PTPRT: variants seen among roughly 807,000 people sequenced by gnomAD.
The protein encoded by PTPRT is receptor-type tyrosine-protein phosphatase T.
PTPRT carries 56 observed loss-of-function variants against 176.8 expected under a neutral mutation model. The ratio of observed to expected loss-of-function variants is 0.32; its 90% CI spans 0.26 to 0.40. PTPRT has a LOEUF of 0.40. Among genes scored for constraint, PTPRT ranks in the 10% least tolerant of loss-of-function variants. The pLI, the probability that PTPRT is intolerant of heterozygous loss-of-function variation, is 1.00. For synonymous variants in PTPRT, 783 were observed against 739.0 expected, an observed-to-expected ratio of 1.06 and a Z score of -0.96; for missense variants, 1,540 against 1,908.2, an observed-to-expected ratio of 0.81 and a Z score of 3.60.
chr20:42,576,605 T>C (rs536014583), intron 7 of PTPRT, among the ~76,000 whole-genome samples: 1 of 152,288 alleles, frequency 6.6e-6, no homozygotes, highest in Non-Finnish European at 1.5e-5. Context: ...CAGAGTTCTC[T>C]GGAACTTGCA....
chr20:42,399,315 A>G (rs137995078), intron 9 of PTPRT, among the ~76,000 whole-genome samples: 1 of 152,350 alleles, frequency 6.6e-6, no homozygotes, highest in Non-Finnish European at 1.5e-5. Context: ...TCTATCACAA[A>G]GGTCATCCTT....
intron 2 of PTPRT, among the ~76,000 whole-genome samples, chr20:42,807,789 T>G (rs1444047930): frequency 1.3e-5 from 2 of 152,216 alleles, no homozygotes; most frequent in African/African-American, 4.8e-5. Flanking sequence ...CTTTTACTAA[T>G]TATGTGCCCG....
At chr20:42,108,833 G>A (rs1986753147) in intron 23 of PTPRT, among the ~76,000 whole-genome samples, 1 of 152,224 alleles carries the variant, frequency 6.6e-6, no homozygotes, top group Admixed American at 6.5e-5. Context: ...GGCCCCAGGA[G>A]TGGGTACCAC....
At chr20:42,701,389 G>C (rs908297385) in intron 6 of PTPRT, among the ~76,000 whole-genome samples, 1 of 152,192 alleles carries the variant, frequency 6.6e-6, no homozygotes, top group Non-Finnish European at 1.5e-5. Context: ...GCTACCGTGG[G>C]ATGCTTAAAT....
chr20:42,380,704 C>T (rs1329619410), intron 9 of PTPRT, among the ~76,000 whole-genome samples: 1 of 152,176 alleles, frequency 6.6e-6, no homozygotes, highest in South Asian at 2.1e-4. Flanking sequence ...TTTTTGTTCT[C>T]CCATTGGACT....
intron 7 of PTPRT, among the ~76,000 whole-genome samples, chr20:42,535,300 C>G (rs900864853): frequency 5.3e-5 from 8 of 152,080 alleles, no homozygotes; most frequent in African/African-American, 1.7e-4. Context: ...AAGAAAGGAA[C>G]AGCAGACACT....
chr20:42,973,837 G>C (rs1324317210), intron 1 of PTPRT, among the ~76,000 whole-genome samples: 1 of 152,100 alleles, frequency 6.6e-6, no homozygotes, highest in African/African-American at 2.4e-5. Flanking sequence ...TTTTGTTTGG[G>C]GTTATTTTAC....
intron 2 of PTPRT, among the ~76,000 whole-genome samples, chr20:42,876,015 T>C (rs2078923688): frequency 6.6e-6 from 1 of 152,196 alleles, no homozygotes; most frequent in South Asian, 2.1e-4. Context: ...TATTACCACA[T>C]ACAGATACTC....
At chr20:42,620,795 C>T (rs1052315855) in intron 7 of PTPRT, among the ~76,000 whole-genome samples, 5 of 152,176 alleles carry the variant, frequency 3.3e-5, no homozygotes, top group South Asian at 4.1e-4. Flanking sequence ...CGCCCTGCTT[C>T]GGCTTGCGCA....
intron 9 of PTPRT, among the ~76,000 whole-genome samples, chr20:42,420,351 G>A (rs1354094248): frequency 6.6e-6 from 1 of 152,082 alleles, no homozygotes; most frequent in Non-Finnish European, 1.5e-5. Context: ...TCAGATAAAT[G>A]TCTGAGCTCC....
intron 2 of PTPRT, among the ~76,000 whole-genome samples, chr20:42,829,422 G>A (rs2078051476): frequency 6.6e-6 from 1 of 152,116 alleles, no homozygotes; most frequent in South Asian, 2.1e-4. Flanking sequence ...TAAGACTTTG[G>A]GGGACTGTTA....
intron 16 of PTPRT, among the ~76,000 whole-genome samples, chr20:42,195,501 C>T (rs1003296385): frequency 8.8e-4 from 107 of 121,954 alleles, no homozygotes; most frequent in African/African-American, 3.6e-3. Flanking sequence ...AATCTCATCC[C>T]AGTGGTTCCA....
At chr20:42,728,661 G>A (rs1410562264) in intron 6 of PTPRT, among the ~76,000 whole-genome samples, 2 of 152,184 alleles carry the variant, frequency 1.3e-5, no homozygotes, top group East Asian at 1.9e-4. Context: ...GGAAACAGGG[G>A]CAGAAAAGGT....
intron 16 of PTPRT, among the ~76,000 whole-genome samples, 171 bp downstream of exon 16, chr20:42,199,069 G>A (rs1231654726): frequency 6.6e-6 from 1 of 152,036 alleles, no homozygotes; most frequent in East Asian, 1.9e-4. Flanking sequence ...TTCATCTTAG[G>A]ATGAACTGCC....
At chr20:42,601,777 G>A (rs1454902746) in intron 7 of PTPRT, among the ~76,000 whole-genome samples, 1 of 152,134 alleles carries the variant, frequency 6.6e-6, no homozygotes, top group Non-Finnish European at 1.5e-5. Context: ...ATGTCCCTTT[G>A]CATCATGACC....
chr20:42,479,774 G>A (rs1471521298), intron 7 of PTPRT, among the ~76,000 whole-genome samples: 8 of 152,168 alleles, frequency 5.3e-5, no homozygotes, highest in Admixed American at 5.2e-4. Context: ...TTCAATAACA[G>A]GGATGTTCGA....
chr20:43,087,684 C>T (rs893624261), intron 1 of PTPRT, among the ~76,000 whole-genome samples: 38 of 152,004 alleles, frequency 2.5e-4, no homozygotes, highest in Admixed American at 2.1e-3. Flanking sequence ...TTTTCAGGGG[C>T]CTCTGAGCCA....
intron 7 of PTPRT, among the ~76,000 whole-genome samples, chr20:42,487,477 TG>T (rs1297195058): frequency 1.3e-5 from 2 of 152,164 alleles, no homozygotes; most frequent in African/African-American, 4.8e-5. Context: ...TTATCTTACA[TG>T]GCAAAAAGAA....
intron 7 of PTPRT, among the ~76,000 whole-genome samples, chr20:42,569,732 C>T (rs1396578955): frequency 6.6e-6 from 1 of 152,180 alleles, no homozygotes; most frequent in African/African-American, 2.4e-5. Flanking sequence ...GGGCTCTTAG[C>T]CTGATTCTTT....
Sources: gnomAD v4.1 joint callset for allele counts (sites outside exome capture counted in the v4.1 genomes callset) on GRCh38, gnomAD v4.1.1 for gene constraint, MANE v1.5 for transcripts, NCBI Gene and HGNC (gene_info 2026-07-23, HGNC 2026-07-21) for gene names.